UBASH3B: variants seen among roughly 807,000 people sequenced by gnomAD.
UBASH3B encodes the protein ubiquitin-associated and SH3 domain-containing protein B.
Under a neutral mutation model 83.4 loss-of-function variants are expected in UBASH3B, and 37 were observed. That is an observed-to-expected ratio of 0.44 (90% CI 0.34 to 0.58). UBASH3B has a LOEUF of 0.58. Among genes scored for constraint, UBASH3B ranks in the 20% least tolerant of loss-of-function variants. The pLI, the probability that UBASH3B is intolerant of heterozygous loss-of-function variation, is 0.01. For synonymous variants in UBASH3B, 304 were observed against 318.3 expected, an observed-to-expected ratio of 0.96 and a Z score of 0.48; for missense variants, 657 against 827.2, an observed-to-expected ratio of 0.79 and a Z score of 2.52.
chr11:122,722,015 T>C (rs1367164303), intron 1 of UBASH3B, among the ~76,000 whole-genome samples: 3 of 152,244 alleles, frequency 2.0e-5, no homozygotes, highest in Non-Finnish European at 4.4e-5. Context: ...GTATAATGCA[T>C]TAGTCATCAT....
At chr11:122,689,962 G>A (rs570383093) in intron 1 of UBASH3B, among the ~76,000 whole-genome samples, 2 of 151,820 alleles carry the variant, frequency 1.3e-5, no homozygotes, top group East Asian at 3.9e-4. Flanking sequence ...CCCTCCGTGT[G>A]GGCAGCCCAC....
chr11:122,656,267 C>T, intron 1 of UBASH3B, 57 bp downstream of exon 1: 2 of 1,316,426 alleles, frequency 1.5e-6, no homozygotes, highest in Non-Finnish European at 1.9e-6. Flanking sequence ...GGCCGGCCCT[C>T]GGCTTCGCTC....
chr11:122,756,456 G>A (rs1861283604), intron 1 of UBASH3B, among the ~76,000 whole-genome samples: 1 of 152,162 alleles, frequency 6.6e-6, no homozygotes, highest in Non-Finnish European at 1.5e-5. Flanking sequence ...TTCTTACACT[G>A]CCTTTTTTTC....
chr11:122,673,512 A>G (rs1309484420), intron 1 of UBASH3B, among the ~76,000 whole-genome samples: 2 of 152,130 alleles, frequency 1.3e-5, no homozygotes, highest in Non-Finnish European at 2.9e-5. Context: ...AATAAAAATT[A>G]GCTAGGCATG....
chr11:122,742,306 A>G (rs979430383), intron 1 of UBASH3B, among the ~76,000 whole-genome samples: 1 of 152,196 alleles, frequency 6.6e-6, no homozygotes, highest in African/African-American at 2.4e-5. Flanking sequence ...GCAAGAAACC[A>G]TCCTAAGTAC....
At chr11:122,715,778 A>G (rs1591783279) in intron 1 of UBASH3B, among the ~76,000 whole-genome samples, 1 of 152,244 alleles carries the variant, frequency 6.6e-6, no homozygotes, top group South Asian at 2.1e-4. Context: ...ATGGCTTCCC[A>G]GCCATTGCCA....
At chr11:122,779,263 G>T in intron 3 of UBASH3B, 1 of 579,076 alleles carries the variant, frequency 1.7e-6, no homozygotes, top group Non-Finnish European at 3.1e-6. Flanking sequence ...CCACTTCACA[G>T]CAAGGAAAGG....
At chr11:122,712,613 T>C (rs1010168186) in intron 1 of UBASH3B, among the ~76,000 whole-genome samples, 1 of 152,096 alleles carries the variant, frequency 6.6e-6, no homozygotes, top group Non-Finnish European at 1.5e-5. Context: ...CTAGGGAATT[T>C]CTACCCCAGA....
chr11:122,673,680 T>A (rs1863629480), intron 1 of UBASH3B, among the ~76,000 whole-genome samples: 1 of 152,080 alleles, frequency 6.6e-6, no homozygotes, highest in South Asian at 2.1e-4. Flanking sequence ...CCAGAAGGCC[T>A]GGCGCTCTTT....
At chr11:122,801,552 C>T (rs1180367387) in intron 11 of UBASH3B, among the ~76,000 whole-genome samples, 1 of 152,120 alleles carries the variant, frequency 6.6e-6, no homozygotes, top group Non-Finnish European at 1.5e-5. Flanking sequence ...AGCCTCACCC[C>T]CGTGTTGGAT....
chr11:122,762,423 GCCTGA>G (rs1470749709), intron 1 of UBASH3B, among the ~76,000 whole-genome samples: 1 of 152,198 alleles, frequency 6.6e-6, no homozygotes, highest in Non-Finnish European at 1.5e-5. Flanking sequence ...TCTCCCCAGA[GCCTGA>G]CTGTGGACAC....
At chr11:122,672,631 T>G (rs957470782) in intron 1 of UBASH3B, among the ~76,000 whole-genome samples, 6 of 152,300 alleles carry the variant, frequency 3.9e-5, no homozygotes, top group African/African-American at 1.4e-4. Flanking sequence ...CGGCCTATTT[T>G]GTGAACTTTA....
At chr11:122,688,283 T>C (rs1863833399) in intron 1 of UBASH3B, among the ~76,000 whole-genome samples, 1 of 148,674 alleles carries the variant, frequency 6.7e-6, no homozygotes, top group Non-Finnish European at 1.5e-5. Context: ...CCTTCCTTCC[T>C]CCCTCCCTCT....
At chr11:122,679,662 A>G (rs544858806) in intron 1 of UBASH3B, among the ~76,000 whole-genome samples, 1 of 152,232 alleles carries the variant, frequency 6.6e-6, no homozygotes, top group African/African-American at 2.4e-5. Flanking sequence ...TATGGTCTCC[A>G]TGGTGGCTAC....
In UBASH3B at chr11:122,660,835, T is replaced by C. The variant is rs143366067; in HGVS notation, c.161+4625T>C. Among the ~76,000 whole-genome samples the C allele has an allele frequency of 4.5e-3, 683 of 152,312 alleles. 20 individuals carry two copies. In the East Asian group the frequency reaches 0.068, roughly 15 times the overall value. On this transcript the variant is annotated intron_variant, in intron 1 of 13. Transcript: ENST00000284273. Reference sequence around the variant, plus strand: ...TTTAATGTTTCCAGTGATTAAGAGATAATAGTCTTGGGAAGGACACTGTGG... The same window carrying C: ...TTTAATGTTTCCAGTGATTAAGAGACAATAGTCTTGGGAAGGACACTGTGG...
intron 1 of UBASH3B, among the ~76,000 whole-genome samples, chr11:122,753,150 A>C (rs1412922196): frequency 1.3e-5 from 2 of 151,556 alleles, no homozygotes; most frequent in African/African-American, 2.4e-5. Flanking sequence ...AAAAAAAAAA[A>C]CTCGAGTTTC....
At chr11:122,684,180 G>C (rs1438373429) in intron 1 of UBASH3B, among the ~76,000 whole-genome samples, 2 of 152,172 alleles carry the variant, frequency 1.3e-5, no homozygotes, top group African/African-American at 4.8e-5. Context: ...GCGTATCCTA[G>C]AGTCTGTGTG....
chr11:122,725,704 AT>A (rs1214099531), intron 1 of UBASH3B, among the ~76,000 whole-genome samples: 1 of 151,808 alleles, frequency 6.6e-6, no homozygotes, highest in East Asian at 1.9e-4. Context: ...TTTTATTTTT[AT>A]TTTTTTGAGA....
intron 1 of UBASH3B, among the ~76,000 whole-genome samples, chr11:122,737,874 C>T (rs1439537949): frequency 6.6e-6 from 1 of 151,874 alleles, no homozygotes; most frequent in Admixed American, 6.6e-5. Flanking sequence ...GAGGTATGGC[C>T]CAGGGAAGAG....
Sources: gnomAD v4.1 joint callset for allele counts (sites outside exome capture counted in the v4.1 genomes callset) on GRCh38, gnomAD v4.1.1 for gene constraint, MANE v1.5 for transcripts, NCBI Gene and HGNC (gene_info 2026-07-23, HGNC 2026-07-21) for gene names.